The following THAP5 variants were observed in gnomAD, a reference collection of about 807,000 sequenced individuals.
THAP5 encodes the protein THAP domain containing 5, also known as THAP domain-containing protein 5.
THAP5 carries 26 observed loss-of-function variants against 34.0 expected under a neutral mutation model. The ratio of observed to expected loss-of-function variants is 0.77; its 90% CI spans 0.56 to 1.06. The LOEUF (loss-of-function observed/expected upper bound fraction) is 1.06, where lower values mean the gene tolerates loss of function less well. THAP5 is among the 50% of genes least tolerant of loss of function. The probability of loss-of-function intolerance (pLI) is 0.00; values close to 1 mark genes in which losing one functional copy is unlikely to be tolerated. For missense variants in THAP5, 394 were observed against 452.8 expected (o/e 0.87, Z 1.18); for synonymous variants, 125 against 153.0 (o/e 0.82, Z 1.35).
At chr7:108,567,414 C>A (rs1319035805) in intron 1 of THAP5, among the ~76,000 whole-genome samples, 10 of 152,050 alleles carry the variant, frequency 6.6e-5, no homozygotes, top group Admixed American at 5.9e-4. Flanking sequence ...ACTGTAAATT[C>A]ATGTATATGG....
chr7:108,569,024 G>A, intron 1 of THAP5: 1 of 838,104 alleles, frequency 1.2e-6, no homozygotes, highest in Non-Finnish European at 1.5e-6. Context: ...AACTTTCAAG[G>A]TCGGTTACCT....
At chr7:108,543,090 C>T in the THAP5 span, among the ~76,000 whole-genome samples, 4 of 151,854 alleles carry the variant, frequency 2.6e-5, no homozygotes, top group East Asian at 7.8e-4. Flanking sequence ...CCACGCCCGG[C>T]TAATTTTTTT....
chr7:108,555,539 GT>G (rs1201327661), intron 1 of THAP5, among the ~76,000 whole-genome samples: 1 of 152,058 alleles, frequency 6.6e-6, no homozygotes, highest in Non-Finnish European at 1.5e-5. Context: ...GTATTAGTCT[GT>G]GTTCATGCTG....
At chr7:108,544,990 C>A in the THAP5 span, among the ~76,000 whole-genome samples, 1 of 151,868 alleles carries the variant, frequency 6.6e-6, no homozygotes. Flanking sequence ...TGCAGTAATG[C>A]AAGTTTAGAA....
At chr7:108,549,120 A>C in the THAP5 span, among the ~76,000 whole-genome samples, 3 of 145,822 alleles carry the variant, frequency 2.1e-5, no homozygotes, top group Non-Finnish European at 4.5e-5. Flanking sequence ...ACACACACAC[A>C]CACACACAAG....
At chr7:108,560,921 A>G (rs996387511), downstream of THAP5, among the ~76,000 whole-genome samples, 1 of 152,138 alleles carries the variant, frequency 6.6e-6, no homozygotes, top group East Asian at 1.9e-4. Context: ...AATTTTTTGT[A>G]GAGATGGGAT....
upstream of THAP5, chr7:108,569,731 G>A (rs1790574676): frequency 1.1e-6 from 1 of 899,472 alleles, no homozygotes; most frequent in East Asian, 2.6e-5. Context: ...GCCTCCTCCG[G>A]TTTAAGCACC....
rs753078781 is a variant in THAP5 at position 108,564,935 on chromosome 7, C to T, written c.444G>A (p.Leu148=). 3.8e-6 allele frequency: 6 copies of T among 1,568,052 alleles called. No individual in the cohort carries two copies. The highest frequency in any genetic ancestry group is 3.5e-5 in the South Asian group (3 of 86,830). The part of the protein sequence containing the change: ...QHPELLHSSS[L]VKPPAPKTGS... ...CTGTTTTGGGAGCTGGTGGCTTTAC[C>T]AAGGAAGATGAATGAAGTAATTCTG... The change falls in exon 3 of 3, where the codon TTG becomes TTA. Residue 148 remains leucine, a synonymous_variant. Transcript: ENST00000415914.
chr7:108,544,457 G>C, the THAP5 span, among the ~76,000 whole-genome samples: 4 of 151,640 alleles, frequency 2.6e-5, no homozygotes, highest in Non-Finnish European at 2.9e-5. Flanking sequence ...CTTGAACCTG[G>C]GAGGCAGAGG....
intron 1 of THAP5, among the ~76,000 whole-genome samples, chr7:108,568,834 C>T (rs1161055727): frequency 1.3e-5 from 2 of 152,114 alleles, no homozygotes; most frequent in African/African-American, 4.8e-5. Context: ...GAAGCCTGGA[C>T]CCCTAATTAT....
chr7:108,569,380 C>A lies in THAP5; in HGVS notation c.80+110G>T. 2.6e-6 allele frequency: 4 copies of A among 1,525,310 alleles called. No homozygotes were observed. The East Asian group carries it at 7.4e-5, about 28-fold the overall frequency. The allele number at this position is 1,525,310 out of a possible 1,614,324, so 94.5% of individuals were successfully genotyped here. ...CTTGCCGCGGGCGACGGGCCACGTA[C>A]GGAGAGCTGAGGACTCACTGGCAGA... is the stretch of plus-strand genomic sequence containing the variant. On this transcript the variant is annotated intron_variant, in intron 1 of 2. Coordinates refer to ENST00000415914, the MANE Select transcript of THAP5 (RefSeq NM_001130475.3).
intron 1 of THAP5, among the ~76,000 whole-genome samples, chr7:108,566,989 A>C (rs1790500295): frequency 6.6e-6 from 1 of 152,194 alleles, no homozygotes; most frequent in Non-Finnish European, 1.5e-5. Flanking sequence ...TAACAATATA[A>C]GGTTTCTCAT....
At chr7:108,549,186 A>C in the THAP5 span, among the ~76,000 whole-genome samples, 1 of 147,168 alleles carries the variant, frequency 6.8e-6, no homozygotes. Flanking sequence ...CCGTGACAGG[A>C]TCTCAGCTCA....
At chr7:108,547,327 A>C in the THAP5 span, among the ~76,000 whole-genome samples, 1 of 152,242 alleles carries the variant, frequency 6.6e-6, no homozygotes, top group Non-Finnish European at 1.5e-5. Flanking sequence ...CAATGAAATT[A>C]ACCTCATTTC....
chr7:108,558,377 G>GTGTGTGTATATATATA (rs1401164750), downstream of THAP5, among the ~76,000 whole-genome samples: 1,380 of 62,244 alleles, frequency 0.022, 42 homozygotes, highest in South Asian at 0.031. Context: ...ATGTGTGTGT[G>GTGTGTGTATATATATA]TATGTATATA....
At chr7:108,556,706 C>T (rs1864388155) in intron 1 of THAP5, among the ~76,000 whole-genome samples, 1 of 152,196 alleles carries the variant, frequency 6.6e-6, no homozygotes, top group South Asian at 2.1e-4. Flanking sequence ...GGAGCTTTTC[C>T]AGGTGCATGG....
chr7:108,565,035 G>T lies in THAP5; in HGVS notation c.344C>A (p.Ala115Asp). 1 of 1,545,064 alleles carries T rather than the reference G, an allele frequency of 6.5e-7. No homozygotes were observed. Among genetic ancestry groups the T allele is most frequent in the Non-Finnish European group, 8.7e-7 (1 of 1,143,988 alleles). Residue 115 changes from alanine to aspartate, a missense_variant, in exon 3 of 3, where the codon GCC becomes GAC. By Grantham distance (126) the Ala-to-Asp change is moderately radical (BLOSUM62 -2). Transcript: ENST00000415914. ...LEDEKEVCPK[A>D]KSEESFVLNE... ...TAATACAAATGATTCTTCTGACTTG[G>T]CTTTTGGGCATACTTCTTTCTCATC...
chr7:108,568,711 T>C (rs931111592), intron 1 of THAP5: 1 of 153,596 alleles, frequency 6.5e-6, no homozygotes, highest in African/African-American at 2.4e-5. Flanking sequence ...TTATTAATCA[T>C]GTGAGTACTA....
chr7:108,555,882 T>C (rs1465608694), intron 1 of THAP5, among the ~76,000 whole-genome samples: 3 of 151,730 alleles, frequency 2.0e-5, no homozygotes, highest in Non-Finnish European at 2.9e-5. Context: ...TTTGTACTTT[T>C]TGTAGAGATG....
Sources: allele counts gnomAD v4.1 joint callset (sites outside exome capture counted in the v4.1 genomes callset), GRCh38; gene constraint gnomAD v4.1.1; transcripts MANE v1.5; gene names NCBI Gene and HGNC (gene_info 2026-07-23, HGNC 2026-07-21).